Variants in LDLRAP1 observed in about 807,000 individuals in gnomAD.
LDLRAP1 encodes low density lipoprotein receptor adapter protein 1.
A neutral mutation model predicts 37.8 loss-of-function variants in LDLRAP1; 30 were observed. The observed-to-expected ratio is 0.79, with a 90% CI of 0.59 to 1.08. The LOEUF is 1.08. Ranked by LOEUF, LDLRAP1 falls within the 50% of genes least tolerant of loss-of-function variation. The pLI is 0.00. For synonymous variants in LDLRAP1, 156 were observed against 169.8 expected, an observed-to-expected ratio of 0.92 and a Z score of 0.63; for missense variants, 375 against 401.6, an observed-to-expected ratio of 0.93 and a Z score of 0.57.
At chr1:25,587,534 C>A in the LDLRAP1 span, among the ~76,000 whole-genome samples, 5 of 152,174 alleles carry the variant, frequency 3.3e-5, no homozygotes, top group Admixed American at 6.5e-5. Flanking sequence ...CCCTAATTTC[C>A]GAACAACAAA....
At chr1:25,563,884 G>T in intron 7 of LDLRAP1, 93 bp downstream of exon 7, 1 of 1,556,690 alleles carries the variant, frequency 6.4e-7, no homozygotes, top group Non-Finnish European at 8.8e-7. Flanking sequence ...TGGGACCCGT[G>T]ACTTGTGGGC....
the LDLRAP1 span, among the ~76,000 whole-genome samples, chr1:25,584,129 A>G: frequency 6.6e-6 from 1 of 151,934 alleles, no homozygotes; most frequent in South Asian, 2.1e-4. Flanking sequence ...AGGTGTCTGA[A>G]CGCTGGCTCT....
At chr1:25,553,349 A>AATAGGG (rs2044119517) in intron 1 of LDLRAP1, 1 of 155,900 alleles carries the variant, frequency 6.4e-6, no homozygotes, top group Admixed American at 6.2e-5. Context: ...AGGGCTTGAA[A>AATAGGG]ATAGGGCTCG....
chr1:25,585,145 A>G, the LDLRAP1 span, among the ~76,000 whole-genome samples: 1 of 152,142 alleles, frequency 6.6e-6, no homozygotes, highest in Non-Finnish European at 1.5e-5. Context: ...GACAGTGGCA[A>G]CAGCAACATT....
rs545662810 is a variant in LDLRAP1, at chr1:25,554,973, G to A, written c.344+1G>A. The stretch of plus-strand genomic sequence containing the variant: ...TCATTGAGAACGTGTCCATATACAG[G>A]TACGCTCAGCATGGGGTTGGCCCAT... On this transcript the variant is annotated splice_donor_variant, in intron 3 of 8. Coordinates refer to ENST00000374338, the MANE Select transcript of LDLRAP1 (RefSeq NM_015627.3). LOFTEE classifies it high-confidence loss of function. This position sits in a 1 kb window ranked among gnomAD's most constrained non-coding sequence, Gnocchi z 5.4. The A allele has an allele frequency of 5.6e-6, 9 of 1,611,078 alleles. No individual in the cohort carries two copies. Among genetic ancestry groups the A allele is most frequent in the South Asian group, 1.1e-5 (1 of 90,980 alleles).
intron 4 of LDLRAP1, among the ~76,000 whole-genome samples, chr1:25,561,284 A>T (rs1216694899): frequency 6.6e-6 from 1 of 152,234 alleles, no homozygotes; most frequent in Non-Finnish European, 1.5e-5. Context: ...AGAGTTTCAT[A>T]CTTAATTACC....
At position 25,548,794 on chromosome 1, in the gene LDLRAP1, A is replaced by G. The variant is rs1461075619; in HGVS notation, c.88+5008A>G. ...GCTCAAGGGATCCTCCTGGGTAGCT[A>G]GAACTACAGGTGCACACTGCCACGC... On this transcript the variant is annotated intron_variant, in intron 1 of 8. Coordinates refer to ENST00000374338, the MANE Select transcript of LDLRAP1 (RefSeq NM_015627.3). Among the ~76,000 whole-genome samples, 4 of 152,164 alleles carry G rather than the reference A, an allele frequency of 2.6e-5. No homozygotes were observed. In the East Asian group the frequency reaches 5.8e-4, roughly 22 times the overall value.
chr1:25,587,053 G>C, the LDLRAP1 span, among the ~76,000 whole-genome samples: 1 of 152,170 alleles, frequency 6.6e-6, no homozygotes, highest in South Asian at 2.1e-4. Flanking sequence ...CCTGTTCCAG[G>C]CTGGGCCCTT....
chr1:25,545,411 G>A (rs1184954276), intron 1 of LDLRAP1, among the ~76,000 whole-genome samples: 1 of 152,166 alleles, frequency 6.6e-6, no homozygotes, highest in African/African-American at 2.4e-5. Context: ...TCTGATCCTC[G>A]GTTTCCTCAT....
At chr1:25,552,867 G>A (rs2044105746) in intron 1 of LDLRAP1, among the ~76,000 whole-genome samples, 1 of 152,190 alleles carries the variant, frequency 6.6e-6, no homozygotes, top group Admixed American at 6.5e-5. Flanking sequence ...TGTGGTTGGT[G>A]CTTTTAGAGA....
At chr1:25,558,259 C>T (rs2044258042) in intron 4 of LDLRAP1, among the ~76,000 whole-genome samples, 2 of 152,178 alleles carry the variant, frequency 1.3e-5, no homozygotes, top group Non-Finnish European at 2.9e-5. Flanking sequence ...GCCCCAGTCC[C>T]CATGCCCTAT....
At chr1:25,579,680 G>A in the LDLRAP1 span, among the ~76,000 whole-genome samples, 60 of 152,244 alleles carry the variant, frequency 3.9e-4, no homozygotes, top group Non-Finnish European at 8.4e-4. Flanking sequence ...TGAAATCTTC[G>A]TGCCATTCAT....
At chr1:25,550,265 C>G (rs1435012061) in intron 1 of LDLRAP1, among the ~76,000 whole-genome samples, 2 of 152,152 alleles carry the variant, frequency 1.3e-5, no homozygotes, top group African/African-American at 4.8e-5. Flanking sequence ...GTTGTTTCCC[C>G]CATTTTAAAG....
intron 6 of LDLRAP1, 31 bp from the exon 7 acceptor site, chr1:25,563,630 C>G (rs750287697): frequency 6.2e-7 from 1 of 1,612,098 alleles, no homozygotes; most frequent in East Asian, 2.2e-5. Flanking sequence ...AGGCTGATCT[C>G]CCACTGACAA....
At chr1:25,563,812 C>A in intron 7 of LDLRAP1, 21 bp downstream of exon 7, 1 of 1,613,174 alleles carries the variant, frequency 6.2e-7, no homozygotes, top group Non-Finnish European at 8.5e-7. Context: ...GTGTGGCCAG[C>A]AGATCGGTGA....
the LDLRAP1 span, among the ~76,000 whole-genome samples, chr1:25,585,468 GGT>G: frequency 6.6e-6 from 1 of 152,144 alleles, no homozygotes; most frequent in Non-Finnish European, 1.5e-5. Flanking sequence ...TGGGACTACA[GGT>G]GCCTGCCACC....
chr1:25,585,967 A>C, the LDLRAP1 span, among the ~76,000 whole-genome samples: 1 of 152,132 alleles, frequency 6.6e-6, no homozygotes, highest in African/African-American at 2.4e-5. Flanking sequence ...TTCATTTGTC[A>C]AATAACCCAC....
intron 7 of LDLRAP1, chr1:25,564,808 C>T: frequency 4.0e-6 from 1 of 247,554 alleles, no homozygotes; most frequent in South Asian, 6.5e-5. Context: ...AATTTGAAAG[C>T]CATAGAAGTC....
the LDLRAP1 span, among the ~76,000 whole-genome samples, chr1:25,581,162 T>C: frequency 6.6e-6 from 1 of 152,068 alleles, no homozygotes; most frequent in African/African-American, 2.4e-5. Context: ...GTGAGGAACA[T>C]GTGTTCTCTG....
Sources: allele counts gnomAD v4.1 joint callset (sites outside exome capture counted in the v4.1 genomes callset), GRCh38; gene constraint gnomAD v4.1.1; non-coding constraint Gnocchi (gnomAD v3.1); transcripts MANE v1.5; gene names NCBI Gene and HGNC (gene_info 2026-07-23, HGNC 2026-07-21).